EBF1: variants seen among roughly 807,000 people sequenced by gnomAD.
EBF1 encodes transcription factor COE1.
EBF1 carries 10 observed loss-of-function variants against 68.4 expected under a neutral mutation model. The observed-to-expected ratio is 0.15, with a 90% confidence interval of 0.09 to 0.25. The LOEUF is 0.25. Ranked by LOEUF, EBF1 falls within the 10% of genes least tolerant of loss-of-function variation. The probability of loss-of-function intolerance (pLI) is 1.00; values close to 1 mark genes in which losing one functional copy is unlikely to be tolerated. For missense variants in EBF1, 509 were observed against 794.4 expected (o/e 0.64, Z 4.32); for synonymous variants, 298 against 299.8 (o/e 0.99, Z 0.06).
chr5:158,929,628 T>A (rs1468302359), intron 6 of EBF1, among the ~76,000 whole-genome samples: 1 of 152,218 alleles, frequency 6.6e-6, no homozygotes, highest in African/African-American at 2.4e-5. Flanking sequence ...GAAAATAGCA[T>A]CCTGCTAATT....
intron 6 of EBF1, among the ~76,000 whole-genome samples, chr5:158,913,557 A>G (rs983259534): frequency 1.8e-4 from 27 of 152,102 alleles, no homozygotes; most frequent in Admixed American, 3.3e-4. Context: ...GCTCCCACTG[A>G]GATTTGGGGA....
At chr5:159,077,455 T>C (rs1356684757) in intron 5 of EBF1, among the ~76,000 whole-genome samples, 1 of 151,894 alleles carries the variant, frequency 6.6e-6, no homozygotes, top group Admixed American at 6.6e-5. Flanking sequence ...AAGAAAGAAA[T>C]GACTGCCCTA....
At chr5:158,721,196 TCTTA>T (rs1297061532) in intron 11 of EBF1, among the ~76,000 whole-genome samples, 2 of 152,180 alleles carry the variant, frequency 1.3e-5, no homozygotes, top group Non-Finnish European at 2.9e-5. Flanking sequence ...ATGACAGCCC[TCTTA>T]CTTCTCAAAC....
intron 6 of EBF1, among the ~76,000 whole-genome samples, chr5:158,938,102 T>A (rs1038217328): frequency 2.6e-5 from 4 of 152,224 alleles, no homozygotes; most frequent in Non-Finnish European, 4.4e-5. Context: ...ATCTTGATAT[T>A]TTTGTTTTGG....
chr5:158,708,148 G>A lies in EBF1; in HGVS notation c.1575C>T (p.Ala525=), dbSNP rs1036098426. The A allele has an allele frequency of 2.5e-6, 4 of 1,585,712 alleles. No individual in the cohort carries two copies. Among genetic ancestry groups the A allele is most frequent in the Admixed American group, 1.8e-5 (1 of 56,148 alleles). Residue 525 remains alanine (A), a synonymous_variant, in exon 15 of 16, where the codon GCC becomes GCT. Transcript: ENST00000313708. The part of the protein sequence containing the change: ...YAIVPSSPTM[A]SSTSLPSNCS... ...AGTTGGAGGGGAGGCTTGTGGAGGA[G>A]GCCATGGTGGGGCTGGATGGCACTA...
At chr5:159,012,313 A>T (rs1764832770) in intron 6 of EBF1, among the ~76,000 whole-genome samples, 1 of 151,766 alleles carries the variant, frequency 6.6e-6, no homozygotes, top group South Asian at 2.1e-4. Flanking sequence ...AAGAAAAGAA[A>T]AGAAAAGAAA....
intron 6 of EBF1, among the ~76,000 whole-genome samples, chr5:159,033,488 C>T (rs1429411886): frequency 1.3e-5 from 2 of 152,138 alleles, no homozygotes; most frequent in Non-Finnish European, 2.9e-5. Context: ...CTAGAGGATG[C>T]AGACAGGAAA....
chr5:158,835,749 C>T, intron 7 of EBF1, among the ~76,000 whole-genome samples: 1 of 152,110 alleles, frequency 6.6e-6, no homozygotes, highest in East Asian at 1.9e-4. Flanking sequence ...ACTGCCTTAC[C>T]ATTTAGTTGA....
At chr5:159,019,384 T>C (rs185564706) in intron 6 of EBF1, among the ~76,000 whole-genome samples, 35 of 152,322 alleles carry the variant, frequency 2.3e-4, no homozygotes, top group African/African-American at 8.4e-4. Flanking sequence ...CTAAATAATA[T>C]CCTAGACTTT....
chr5:158,775,562 C>A (rs1373860926), intron 10 of EBF1, among the ~76,000 whole-genome samples: 6 of 152,006 alleles, frequency 3.9e-5, no homozygotes, highest in Non-Finnish European at 1.5e-5. Flanking sequence ...CGGCCAAAAA[C>A]AGAGTCCAAA....
At chr5:159,067,086 C>T (rs1776960403) in intron 6 of EBF1, among the ~76,000 whole-genome samples, 1 of 152,050 alleles carries the variant, frequency 6.6e-6, no homozygotes, top group Non-Finnish European at 1.5e-5. Context: ...TAACCGGGTG[C>T]TGGCAGGAGA....
chr5:158,835,909 A>G (rs1788672356), intron 7 of EBF1, among the ~76,000 whole-genome samples: 1 of 152,232 alleles, frequency 6.6e-6, no homozygotes, highest in South Asian at 2.1e-4. Context: ...GTCTCTCACT[A>G]AAGAAGCACC....
At chr5:159,091,467 G>A (rs1471980109) in intron 4 of EBF1, among the ~76,000 whole-genome samples, 1 of 152,206 alleles carries the variant, frequency 6.6e-6, no homozygotes, top group African/African-American at 2.4e-5. Flanking sequence ...GAGAGAGAAA[G>A]CTGCTGAAAT....
At chr5:158,989,020 C>G (rs1759721314) in intron 6 of EBF1, among the ~76,000 whole-genome samples, 1 of 152,200 alleles carries the variant, frequency 6.6e-6, no homozygotes, top group Non-Finnish European at 1.5e-5. Context: ...TTCTCTGCCC[C>G]AGAGGAACAT....
At chr5:158,732,625 C>A (rs181327643) in intron 10 of EBF1, among the ~76,000 whole-genome samples, 52 of 151,976 alleles carry the variant, frequency 3.4e-4, no homozygotes, top group African/African-American at 1.2e-3. Context: ...GGCCAGAAAT[C>A]CATTTACAAA....
chr5:158,931,912 A>G (rs1033605707), intron 6 of EBF1, among the ~76,000 whole-genome samples: 1 of 152,094 alleles, frequency 6.6e-6, no homozygotes, highest in Non-Finnish European at 1.5e-5. Flanking sequence ...ATTGTCTGGA[A>G]TTTAAACTTC....
At chr5:158,760,275 C>A (rs1293866922) in intron 10 of EBF1, among the ~76,000 whole-genome samples, 1 of 152,118 alleles carries the variant, frequency 6.6e-6, no homozygotes, top group Non-Finnish European at 1.5e-5. Flanking sequence ...CCCATTAAAG[C>A]AAAAGCCAAC....
At chr5:158,985,544 A>T (rs1331045904) in intron 6 of EBF1, among the ~76,000 whole-genome samples, 1 of 152,258 alleles carries the variant, frequency 6.6e-6, no homozygotes, top group Non-Finnish European at 1.5e-5. Flanking sequence ...AAATCTTCTG[A>T]GGCTTAATAT....
At chr5:159,024,641 T>G (rs1442011876) in intron 6 of EBF1, among the ~76,000 whole-genome samples, 1 of 152,234 alleles carries the variant, frequency 6.6e-6, no homozygotes, top group East Asian at 1.9e-4. Context: ...AAAATAGGTT[T>G]GAAGCAATGG....
Sources: gnomAD v4.1 joint callset for allele counts (sites outside exome capture counted in the v4.1 genomes callset) on GRCh38, gnomAD v4.1.1 for gene constraint, MANE v1.5 for transcripts, NCBI Gene and HGNC (gene_info 2026-07-23, HGNC 2026-07-21) for gene names.